Variants in CARS1 observed in about 807,000 individuals in gnomAD.
CARS1 encodes the protein cysteinyl-tRNA synthetase 1, also known as cysteine--tRNA ligase, cytoplasmic.
A neutral mutation model predicts 106.2 loss-of-function variants in CARS1; 48 were observed. The observed-to-expected ratio is 0.45, with a 90% confidence interval of 0.36 to 0.57. CARS1 has a LOEUF of 0.57. Among genes scored for constraint, CARS1 ranks in the 20% least tolerant of loss-of-function variants. The pLI is 0.00. For missense variants in CARS1, 968 were observed against 1,057.2 expected (o/e 0.92, Z 1.17); for synonymous variants, 409 against 403.4 (o/e 1.01, Z -0.17).
In CARS1 at chr11:3,017,699, C is replaced by T. The variant is rs1851181663; in HGVS notation, c.1727+158G>A. 1 of 608,126 alleles carries T rather than the reference C, an allele frequency of 1.6e-6. No individual in the cohort carries two copies. Among genetic ancestry groups the T allele is most frequent in the African/African-American group, 1.9e-5 (1 of 53,760 alleles). 37.7% of individuals were successfully genotyped at this position (608,126 alleles called of 1,614,324 possible). A position where few individuals can be genotyped will look rare whatever the true frequency, so the allele number is the denominator to read the frequency against. On this transcript the variant is annotated intron_variant, in intron 15 of 22. Transcript: ENST00000380525. This position sits in a 1 kb window ranked among gnomAD's most constrained non-coding sequence, Gnocchi z 4.9. Reference sequence around the variant, plus strand: ...TGCACTTCAACACCCAGAGCAGCTCCCATTAGCAGAGCCGCCTATCCTGAA... The same window carrying T: ...TGCACTTCAACACCCAGAGCAGCTCTCATTAGCAGAGCCGCCTATCCTGAA...
chr11:3,030,433 A>G lies in CARS1; in HGVS notation c.802-990T>C, dbSNP rs1486083738. The G allele has an allele frequency of 6.6e-6, 1 of 152,270 alleles. No homozygotes were observed. The highest frequency in any genetic ancestry group is 1.5e-5 in the Non-Finnish European group (1 of 68,072). The allele number at this position is 152,270 out of a possible 1,614,324, so 9.4% of individuals were successfully genotyped here. On this transcript the variant is annotated intron_variant, in intron 7 of 22. Transcript: ENST00000380525. This position sits in a 1 kb window ranked among gnomAD's most constrained non-coding sequence, Gnocchi z 5.7. Reference sequence around the variant, plus strand: ...CACACCCTCCCCACCGCGGCAGGGCATCCAGTGGGCAGACAAGCACCAAAA... The same window carrying G: ...CACACCCTCCCCACCGCGGCAGGGCGTCCAGTGGGCAGACAAGCACCAAAA...
rs1459936099 is a variant in CARS1, at chr11:3,021,568, C to T, written c.1154-1236G>A. ...GCACCGCTAAATATATTTTTCTAAA[C>T]ACCAAGTTCATGATTATAAAATATG... is the stretch of plus-strand genomic sequence containing the variant. On this transcript the variant is annotated intron_variant, in intron 10 of 22. Transcript: ENST00000380525. The surrounding 1 kb of genome is among the most constrained non-coding windows in gnomAD (Gnocchi z 5.3). Among the ~76,000 whole-genome samples the T allele has an allele frequency of 6.6e-6, 1 of 152,186 alleles. No homozygotes were observed. Among genetic ancestry groups the T allele is most frequent in the Non-Finnish European group, 1.5e-5 (1 of 68,038 alleles).
At chr11:3,016,906 TC>T (rs2134138725) in intron 16 of CARS1, among the ~76,000 whole-genome samples, 199 bp downstream of exon 16, 1 of 152,308 alleles carries the variant, frequency 6.6e-6, no homozygotes, top group Admixed American at 6.5e-5. Flanking sequence ...GCCACTGTGC[TC>T]CGCTTATGGG....
rs2134142453 is a variant in CARS1 at position 3,017,617 on chromosome 11, T to C, written c.1727+240A>G. ...GAGATCACGCCACTGCACTCCAGCCTGGGCAACAAGGGCGAAACTCCGTCT... is the reference window on the plus strand; with the variant it reads ...GAGATCACGCCACTGCACTCCAGCCCGGGCAACAAGGGCGAAACTCCGTCT... On this transcript the variant is annotated intron_variant, in intron 15 of 22. Coordinates refer to ENST00000380525, the MANE Select transcript of CARS1 (RefSeq NM_001014437.3). This position sits in a 1 kb window ranked among gnomAD's most constrained non-coding sequence, Gnocchi z 4.9. The C allele has an allele frequency of 3.5e-6, 2 of 563,404 alleles. No homozygotes were observed. Among genetic ancestry groups the C allele is most frequent in the Middle Eastern group, 4.7e-4 (1 of 2,124 alleles). 34.9% of individuals were successfully genotyped at this position (563,404 alleles called of 1,614,324 possible).
intron 1 of CARS1, among the ~76,000 whole-genome samples, chr11:3,049,554 T>G (rs1176976410): frequency 6.6e-6 from 1 of 152,188 alleles, no homozygotes; most frequent in African/African-American, 2.4e-5. Flanking sequence ...ATCCAAACCT[T>G]GAACCAGTGA....
At position 3,021,021 on chromosome 11, in the gene CARS1, C is replaced by T. The variant is rs1565050394; in HGVS notation, c.1154-689G>A. Among the ~76,000 whole-genome samples, 1 of 152,216 alleles carries T rather than the reference C, an allele frequency of 6.6e-6. No individual in the cohort carries two copies. The highest frequency in any genetic ancestry group is 1.5e-5 in the Non-Finnish European group (1 of 68,042). ...GATCACCTGGCCAACAAAAACAAGA[C>T]TGTCTATGCCTTGCCAGAGGGATGA... On this transcript the variant is annotated intron_variant, in intron 10 of 22. Coordinates refer to ENST00000380525, the MANE Select transcript of CARS1 (RefSeq NM_001014437.3). The surrounding 1 kb of genome is among the most constrained non-coding windows in gnomAD (Gnocchi z 5.3).
rs188492424 is a variant in CARS1 at position 3,041,553 on chromosome 11, C to T, written c.367-569G>A. On this transcript the variant is annotated intron_variant, in intron 3 of 22. Coordinates refer to ENST00000380525, the MANE Select transcript of CARS1 (RefSeq NM_001014437.3). The surrounding 1 kb of genome is among the most constrained non-coding windows in gnomAD (Gnocchi z 4.9). ...CCTCTCTGGGGGCATCATCCTCAAC[C>T]AGTTTCCCAAGGAAGGCCATGAACT... Among the ~76,000 whole-genome samples, 1 of 152,220 alleles carries T rather than the reference C, an allele frequency of 6.6e-6. No homozygotes were observed. The highest frequency in any genetic ancestry group is 2.4e-5 in the African/African-American group (1 of 41,540).
Position 3,020,996 on chromosome 11 carries a change from G to A in CARS1, c.1154-664C>T, listed in dbSNP as rs1851519911. Among the ~76,000 whole-genome samples the A allele has an allele frequency of 1.3e-5, 2 of 152,158 alleles. No individual in the cohort carries two copies. Among genetic ancestry groups the A allele is most frequent in the South Asian group, 4.1e-4 (2 of 4,824 alleles). ...GTTCTATTTCCTGGACAAAGCCAAT[G>A]ATCACCTGGCCAACAAAAACAAGAC... On this transcript the variant is annotated intron_variant, in intron 10 of 22. Coordinates refer to ENST00000380525, the MANE Select transcript of CARS1 (RefSeq NM_001014437.3). The surrounding 1 kb of genome is among the most constrained non-coding windows in gnomAD (Gnocchi z 4.6).
rs758299915 is a variant in CARS1, at chr11:3,002,034, A to T, written c.2297T>A (p.Met766Lys). The T allele has an allele frequency of 6.2e-7, 1 of 1,613,654 alleles. No homozygotes were observed. Among genetic ancestry groups the T allele is most frequent in the Non-Finnish European group, 8.5e-7 (1 of 1,179,720 alleles). Residue 766 changes from methionine (M) to lysine (K), a missense_variant, in exon 22 of 23, where the codon ATG becomes AAG. Transcript: ENST00000380525. ...GAACATCTCACTGGGGGGAATCTTC[A>T]TCTTGGCCAGCTTTGCTGCCTAGAA... ...QEQEAAKLAK[M>K]KIPPSEMFLS...
rs1852390850 is a variant in CARS1 at position 3,028,836 on chromosome 11, T to G, written c.1031+160A>C. On this transcript the variant is annotated intron_variant, in intron 9 of 22. Coordinates refer to ENST00000380525, the MANE Select transcript of CARS1 (RefSeq NM_001014437.3). This position sits in a 1 kb window ranked among gnomAD's most constrained non-coding sequence, Gnocchi z 4.4. Reference sequence around the variant, plus strand: ...AGACCCATGCTCCTCAGCCCCTGGGTGGGCCCAGAGTTGTAGGAGGAAGTC... The same window carrying G: ...AGACCCATGCTCCTCAGCCCCTGGGGGGGCCCAGAGTTGTAGGAGGAAGTC... The G allele has an allele frequency of 7.9e-6, 5 of 630,138 alleles. No homozygotes were observed. The South Asian group carries it at 9.3e-5, about 12-fold the overall frequency. 39.0% of individuals were successfully genotyped at this position (630,138 alleles called of 1,614,324 possible). A position where few individuals can be genotyped will look rare whatever the true frequency, so the allele number is the denominator to read the frequency against.
chr11:3,028,204 C>T lies in CARS1; in HGVS notation c.1031+792G>A, dbSNP rs1025337391. The T allele has an allele frequency of 1.0e-4, 36 of 347,432 alleles. No individual in the cohort carries two copies. The highest frequency in any genetic ancestry group is 2.0e-4 in the Non-Finnish European group (36 of 183,300). The allele number at this position is 347,432 out of a possible 1,614,324, so 21.5% of individuals were successfully genotyped here. On this transcript the variant is annotated intron_variant, in intron 9 of 22. Transcript: ENST00000380525. This position sits in a 1 kb window ranked among gnomAD's most constrained non-coding sequence, Gnocchi z 4.4. ...GCCCCCTGTCCAGTGGACACGTGAC[C>T]CACGTGGCCTTACCTATCATTGAAG...
chr11:3,001,084 A>C lies in CARS1; in HGVS notation c.*30T>G. ...AGGCAGACAGCAGCCACTAGTCCAC[A>C]ATGGTTTAAAAAGTCAGTCCTGTGC... is the stretch of plus-strand genomic sequence containing the variant. On this transcript the variant is annotated 3_prime_UTR_variant, in exon 23 of 23. Coordinates refer to ENST00000380525, the MANE Select transcript of CARS1 (RefSeq NM_001014437.3). The C allele has an allele frequency of 6.2e-7, 1 of 1,612,612 alleles. No homozygotes were observed. The highest frequency in any genetic ancestry group is 8.5e-7 in the Non-Finnish European group (1 of 1,179,340).
At chr11:3,001,637 G>T (rs1356560117) in intron 22 of CARS1, among the ~76,000 whole-genome samples, 1 of 152,218 alleles carries the variant, frequency 6.6e-6, no homozygotes, top group African/African-American at 2.4e-5. Context: ...GGAAGAAACT[G>T]GGGGTAGGAG....
chr11:3,006,338 C>G (rs1044140409), intron 19 of CARS1, among the ~76,000 whole-genome samples: 1 of 152,082 alleles, frequency 6.6e-6, no homozygotes, highest in Non-Finnish European at 1.5e-5. Context: ...CCCAGCTACT[C>G]GGGAGGCTGA....
rs1851081962 is a variant in CARS1 at position 3,017,043 on chromosome 11, C to T, written c.1917+63G>A. ...CACCAGAGGCCTCTGTTCTCCCAGTCCTGGGGCCTGGCTCCTGTGTCCACA... is the reference window on the plus strand; with the variant it reads ...CACCAGAGGCCTCTGTTCTCCCAGTTCTGGGGCCTGGCTCCTGTGTCCACA... On this transcript the variant is annotated intron_variant, in intron 16 of 22. Transcript: ENST00000380525. This position sits in a 1 kb window ranked among gnomAD's most constrained non-coding sequence, Gnocchi z 4.9. 1 of 1,467,550 alleles carries T rather than the reference C, an allele frequency of 6.8e-7. No homozygotes were observed. The highest frequency in any genetic ancestry group is 9.3e-7 in the Non-Finnish European group (1 of 1,071,778). The allele number at this position is 1,467,550 out of a possible 1,614,324, so 90.9% of individuals were successfully genotyped here.
At position 3,019,506 on chromosome 11, in the gene CARS1, C is replaced by T. The variant is rs553504785; in HGVS notation, c.1267-239G>A. 6.6e-6 allele frequency among the ~76,000 whole-genome samples: 1 copy of T among 152,092 alleles called. No homozygotes were observed. The highest frequency in any genetic ancestry group is 1.5e-5 in the Non-Finnish European group (1 of 68,030). ...GTCAGGAGTTCAAGACCAGCCTGGC[C>T]AACATGGTGAAACCCCGTCTCTACT... On this transcript the variant is annotated intron_variant, in intron 11 of 22. Transcript: ENST00000380525. This position sits in a 1 kb window ranked among gnomAD's most constrained non-coding sequence, Gnocchi z 6.2.
At position 3,039,543 on chromosome 11, in the gene CARS1, C is replaced by G. The variant is rs1854147020; in HGVS notation, c.553-251G>C. ...AATGAGCCCTGGGGGCCCCAGCTTC[C>G]CCTGCAAGCCACATGTCGAAGTGCG... is the stretch of plus-strand genomic sequence containing the variant. On this transcript the variant is annotated intron_variant, in intron 5 of 22. Coordinates refer to ENST00000380525, the MANE Select transcript of CARS1 (RefSeq NM_001014437.3). The surrounding 1 kb of genome is among the most constrained non-coding windows in gnomAD (Gnocchi z 5.6). Among the ~76,000 whole-genome samples, 1 of 152,170 alleles carries G rather than the reference C, an allele frequency of 6.6e-6. No homozygotes were observed. Among genetic ancestry groups the G allele is most frequent in the African/African-American group, 2.4e-5 (1 of 41,424 alleles).
At chr11:3,010,626 C>A (rs1464963083) in intron 18 of CARS1, among the ~76,000 whole-genome samples, 1 of 152,228 alleles carries the variant, frequency 6.6e-6, no homozygotes, top group Non-Finnish European at 1.5e-5. Flanking sequence ...AGCCCAGCAG[C>A]CCAGCAGCCC....
Position 3,053,476 on chromosome 11 carries a change from C to A in CARS1, c.25+3867G>T, listed in dbSNP as rs1229309620. On this transcript the variant is annotated intron_variant, in intron 1 of 22. Coordinates refer to ENST00000380525, the MANE Select transcript of CARS1 (RefSeq NM_001014437.3). The surrounding 1 kb of genome is among the most constrained non-coding windows in gnomAD (Gnocchi z 6.6). ...GAACTCCTGACCTCAGGTGATCCAC[C>A]CACCTCGGCCTCCCAAAGTGCTGGG... Among the ~76,000 whole-genome samples the A allele has an allele frequency of 6.6e-6, 1 of 152,138 alleles. No individual in the cohort carries two copies. Among genetic ancestry groups the A allele is most frequent in the East Asian group, 1.9e-4 (1 of 5,178 alleles).
Sources: gnomAD v4.1 joint callset for allele counts (sites outside exome capture counted in the v4.1 genomes callset) on GRCh38, gnomAD v4.1.1 for gene constraint, Gnocchi (gnomAD v3.1) non-coding constraint, MANE v1.5 for transcripts, NCBI Gene and HGNC (gene_info 2026-07-23, HGNC 2026-07-21) for gene names.